Variants in PLCG2 observed in about 807,000 individuals in gnomAD.
The protein encoded by PLCG2 is 1-phosphatidylinositol 4,5-bisphosphate phosphodiesterase gamma-2.
Under a neutral mutation model 175.6 loss-of-function variants are expected in PLCG2, and 69 were observed. The ratio of observed to expected loss-of-function variants is 0.39; its 90% confidence interval spans 0.32 to 0.48. PLCG2 has a LOEUF of 0.48. PLCG2 is among the 20% of genes least tolerant of loss of function. The pLI is 0.91. For missense variants in PLCG2, 1,798 were observed against 1,650.9 expected (o/e 1.09, Z -1.54); for synonymous variants, 827 against 624.0 (o/e 1.33, Z -4.85).
rs1907695346 is a variant in PLCG2 at position 81,874,948 on chromosome 16, G to GTTTTTTTGTTTTTTTGTTTTTT, written c.648+4020_648+4021insGTTTTTTTGTTTTTTTTTTTTT. Among the ~76,000 whole-genome samples the GTTTTTTTGTTTTTTTGTTTTTT allele has an allele frequency of 7.4e-5, 3 of 40,764 alleles. 1 individual carries two copies. Among genetic ancestry groups the GTTTTTTTGTTTTTTTGTTTTTT allele is most frequent in the East Asian group, 8.4e-4 (1 of 1,192 alleles). 26.7% of individuals were successfully genotyped at this position (40,764 alleles called of 152,430 possible). On this transcript the variant is annotated intron_variant, in intron 7 of 32. Coordinates refer to ENST00000564138, the MANE Select transcript of PLCG2 (RefSeq NM_002661.5). ...CTATTTGCTAGGCACTATCCTATGT[G>GTTTTTTTGTTTTTTTGTTTTTT]TTTTTTTTTTTTTTTTTTTTTTTTT...
chr16:81,940,222 C>T (rs1158269414), intron 30 of PLCG2, among the ~76,000 whole-genome samples, 163 bp downstream of exon 30: 2 of 152,064 alleles, frequency 1.3e-5, no homozygotes, highest in African/African-American at 2.4e-5. Context: ...TGTCGTGTAG[C>T]ACACAGGTGG....
At chr16:81,850,188 C>T (rs750583079) in intron 2 of PLCG2, among the ~76,000 whole-genome samples, 2 of 152,188 alleles carry the variant, frequency 1.3e-5, no homozygotes, top group Admixed American at 6.5e-5. Flanking sequence ...AATTTAAATA[C>T]AGATGAGGTG....
intron 23 of PLCG2, among the ~76,000 whole-genome samples, chr16:81,927,905 C>T (rs558591793): frequency 1.2e-4 from 18 of 152,150 alleles, no homozygotes; most frequent in Non-Finnish European, 2.2e-4. Context: ...TGGGCTGAGG[C>T]AGAGACTGGA....
chr16:81,830,993 A>C (rs2143384179), intron 2 of PLCG2, among the ~76,000 whole-genome samples: 1 of 152,226 alleles, frequency 6.6e-6, no homozygotes, highest in East Asian at 1.9e-4. Context: ...AACCAACCAT[A>C]CACATTTCCA....
Position 81,908,464 on chromosome 16 carries a change from A to T in PLCG2, c.1606A>T (p.Lys536Ter). The change falls in exon 17 of 33, where the codon AAG becomes TAG. Residue 536 changes from lysine to a stop codon, truncating the protein, a stop_gained. Transcript: ENST00000564138. LOFTEE classifies it high-confidence loss of function. Reference protein sequence around the residue: ...LHFGEKWFHKKVEKRTSAEKL... With the variant: ...LHFGEKWFHK Reference sequence around the variant, plus strand: ...TTTTGGGGAGAAATGGTTCCACAAGAAGGTGGAGAAGAGGACGAGTGCCGA... The same window carrying T: ...TTTTGGGGAGAAATGGTTCCACAAGTAGGTGGAGAAGAGGACGAGTGCCGA... 6.2e-7 allele frequency: 1 copy of T among 1,614,078 alleles called. No individual in the cohort carries two copies. The highest frequency in any genetic ancestry group is 8.5e-7 in the Non-Finnish European group (1 of 1,179,992).
At chr16:81,756,520 C>G (rs535559296) in intron 2 of PLCG2, among the ~76,000 whole-genome samples, 2 of 152,254 alleles carry the variant, frequency 1.3e-5, no homozygotes, top group South Asian at 2.1e-4. Context: ...TGTACTCAAT[C>G]CAGGTCATCT....
At chr16:81,856,573 A>C (rs1171932095) in intron 3 of PLCG2, among the ~76,000 whole-genome samples, 1 of 152,182 alleles carries the variant, frequency 6.6e-6, no homozygotes, top group Non-Finnish European at 1.5e-5. Context: ...ACAGCTGCTT[A>C]GGGTTGTGGT....
intron 2 of PLCG2, among the ~76,000 whole-genome samples, chr16:81,844,880 A>G (rs1053782654): frequency 1.3e-4 from 20 of 152,204 alleles, no homozygotes; most frequent in Admixed American, 1.1e-3. Flanking sequence ...TCATGTCGGT[A>G]CATAAGGATC....
chr16:81,909,382 A>G (rs1305655551), intron 17 of PLCG2, among the ~76,000 whole-genome samples: 1 of 152,174 alleles, frequency 6.6e-6, no homozygotes, highest in African/African-American at 2.4e-5. Flanking sequence ...CCTTCCTGAA[A>G]GAAGATGAGA....
At chr16:81,915,655 A>G (rs1909808688) in intron 19 of PLCG2, among the ~76,000 whole-genome samples, 1 of 152,096 alleles carries the variant, frequency 6.6e-6, no homozygotes, top group Non-Finnish European at 1.5e-5. Flanking sequence ...AAGCTAATAG[A>G]CGATGATCCT....
In PLCG2 at chr16:81,869,882, C is replaced by T. The variant is rs144252302; in HGVS notation, c.564+584C>T. On this transcript the variant is annotated intron_variant, in intron 6 of 32. Transcript: ENST00000564138. ...GTGAGGCAAGGATGGAGACAATGGG[C>T]ACCGATTTTTGCTTACAGGGAAATA... Among the ~76,000 whole-genome samples the T allele has an allele frequency of 3.4e-4, 52 of 152,238 alleles. 1 individual carries two copies. In the East Asian group the frequency reaches 9.8e-3, roughly 29 times the overall value.
chr16:81,800,483 G>A (rs931146385), intron 2 of PLCG2, among the ~76,000 whole-genome samples: 16 of 152,092 alleles, frequency 1.1e-4, no homozygotes, highest in Admixed American at 7.9e-4. Context: ...TTCTGTTCCC[G>A]TGTTAGTTTG....
intron 2 of PLCG2, among the ~76,000 whole-genome samples, chr16:81,803,671 TCC>T (rs1911861058): frequency 1.9e-5 from 2 of 104,946 alleles, no homozygotes; most frequent in Non-Finnish European, 2.0e-5. Context: ...CTCCCTTCCT[TCC>T]TTCCTTCCTT....
At chr16:81,787,151 G>A (rs187800685) in intron 2 of PLCG2, among the ~76,000 whole-genome samples, 104 of 152,248 alleles carry the variant, frequency 6.8e-4, no homozygotes, top group African/African-American at 2.4e-3. Context: ...CTCCAGAGAA[G>A]GGCATTTCAT....
rs750924322 is a variant in PLCG2 at position 81,786,103 on chromosome 16, C to G, written c.114C>G (p.Pro38=). The part of the protein sequence containing the change: ...MTVFSFRKST[P]ERRTVQVIME... The stretch of plus-strand genomic sequence containing the variant: ...TGTTCAGCTTCCGCAAGTCCACCCC[C>G]GAGCGGAGAACCGTCCAGGTGATCA... The change falls in exon 2 of 33, where the codon CCC becomes CCG. Residue 38 remains proline, a synonymous_variant. Transcript: ENST00000564138. The G allele has an allele frequency of 7.4e-6, 12 of 1,614,064 alleles. No homozygotes were observed. The highest frequency in any genetic ancestry group is 1.3e-5 in the African/African-American group (1 of 74,908).
At chr16:81,896,091 G>A (rs1908873468) in intron 13 of PLCG2, among the ~76,000 whole-genome samples, 164 bp downstream of exon 13, 1 of 152,080 alleles carries the variant, frequency 6.6e-6, no homozygotes, top group South Asian at 2.1e-4. Context: ...TCTCACCCGA[G>A]TGTTGGCACC....
At chr16:81,842,246 C>T (rs1269172162) in intron 2 of PLCG2, among the ~76,000 whole-genome samples, 11 of 152,278 alleles carry the variant, frequency 7.2e-5, no homozygotes, top group Middle Eastern at 3.4e-3. Context: ...AGAACTCAGC[C>T]AGGATGCATG....
At chr16:81,957,919 T>C in intron 32 of PLCG2, 37 bp from the exon 33 acceptor site, 1 of 1,600,062 alleles carries the variant, frequency 6.2e-7, no homozygotes, top group African/African-American at 1.3e-5. Context: ...CCATTTCTCA[T>C]GGCCCACTGC....
intron 2 of PLCG2, among the ~76,000 whole-genome samples, chr16:81,792,280 G>A (rs1054232731): frequency 6.6e-6 from 1 of 151,966 alleles, no homozygotes; most frequent in Non-Finnish European, 1.5e-5. Context: ...TCAGGAGTTC[G>A]AGACCAGCCT....
Sources: allele counts gnomAD v4.1 joint callset (sites outside exome capture counted in the v4.1 genomes callset), GRCh38; gene constraint gnomAD v4.1.1; transcripts MANE v1.5; gene names NCBI Gene and HGNC (gene_info 2026-07-23, HGNC 2026-07-21).